DEPDC1B: variants seen among roughly 807,000 people sequenced by gnomAD.
DEPDC1B encodes DEP domain containing 1B, also known as DEP domain-containing protein 1B.
In DEPDC1B, 51 loss-of-function variants were observed where a neutral mutation model predicts 66.5. The observed-to-expected ratio is 0.77, with a 90% CI of 0.61 to 0.97. DEPDC1B has a LOEUF of 0.97. Ranked by LOEUF, DEPDC1B falls within the 50% of genes least tolerant of loss-of-function variation. DEPDC1B has a pLI of 0.00. For synonymous variants in DEPDC1B, 226 were observed against 223.6 expected (o/e 1.01, Z -0.10); for missense variants, 552 against 637.1 (o/e 0.87, Z 1.44).
intron 3 of DEPDC1B, 77 bp downstream of exon 3, chr5:60,647,321 C>A: frequency 1.3e-6 from 2 of 1,493,110 alleles, no homozygotes; most frequent in Non-Finnish European, 8.9e-7. Flanking sequence ...TAAAGGACCA[C>A]AGAAAGACCA....
chr5:60,667,657 ATG>A (rs79421889), intron 2 of DEPDC1B, among the ~76,000 whole-genome samples: 63,740 of 138,026 alleles, frequency 0.46, 16,738 homozygotes, highest in East Asian at 0.58. Flanking sequence ...GATATTTTAC[ATG>A]TATATAATGG....
At chr5:60,635,569 C>T (rs945132822) in intron 7 of DEPDC1B, among the ~76,000 whole-genome samples, 5 of 152,154 alleles carry the variant, frequency 3.3e-5, no homozygotes, top group African/African-American at 1.2e-4. Flanking sequence ...CAACTGCCTA[C>T]GGGAGCAGAC....
intron 2 of DEPDC1B, among the ~76,000 whole-genome samples, chr5:60,667,615 A>T (rs1021600191): frequency 7.1e-6 from 1 of 140,104 alleles, no homozygotes; most frequent in Admixed American, 7.1e-5. Flanking sequence ...ACATATATAT[A>T]AAAAATGGAT....
chr5:60,655,366 T>G (rs1232597505), intron 2 of DEPDC1B, among the ~76,000 whole-genome samples: 1 of 149,080 alleles, frequency 6.7e-6, no homozygotes, highest in Non-Finnish European at 1.5e-5. Context: ...GGGTTATATA[T>G]TTTCAGAAAT....
chr5:60,669,309 T>C (rs756232940), intron 2 of DEPDC1B, among the ~76,000 whole-genome samples: 17 of 152,232 alleles, frequency 1.1e-4, no homozygotes, highest in Non-Finnish European at 7.3e-5. Flanking sequence ...AGATTAACTA[T>C]ATACTGTGGA....
At chr5:60,689,239 C>A (rs1180087126) in intron 1 of DEPDC1B, among the ~76,000 whole-genome samples, 2 of 152,202 alleles carry the variant, frequency 1.3e-5, no homozygotes, top group African/African-American at 4.8e-5. Context: ...AGACAAAAAC[C>A]AGATGTCTCT....
intron 2 of DEPDC1B, among the ~76,000 whole-genome samples, chr5:60,659,843 C>T (rs1753666782): frequency 6.6e-6 from 1 of 152,176 alleles, no homozygotes; most frequent in African/African-American, 2.4e-5. Context: ...AAGCTCTATG[C>T]TGCATCATTA....
At chr5:60,647,147 C>T (rs944125100) in intron 3 of DEPDC1B, among the ~76,000 whole-genome samples, 12 of 150,996 alleles carry the variant, frequency 7.9e-5, no homozygotes, top group South Asian at 2.1e-4. Flanking sequence ...TGAAACCCAT[C>T]GCTGGTGCCA....
At chr5:60,636,197 A>G (rs1753040537) in intron 7 of DEPDC1B, among the ~76,000 whole-genome samples, 1 of 152,302 alleles carries the variant, frequency 6.6e-6, no homozygotes, top group Admixed American at 6.5e-5. Flanking sequence ...ATCAACTACA[A>G]TGGAGTCATA....
intron 2 of DEPDC1B, among the ~76,000 whole-genome samples, chr5:60,671,852 T>A (rs966279834): frequency 4.6e-5 from 7 of 152,216 alleles, no homozygotes; most frequent in Non-Finnish European, 1.0e-4. Flanking sequence ...CTGCCACATA[T>A]CAGACACCAA....
intron 9 of DEPDC1B, among the ~76,000 whole-genome samples, chr5:60,602,052 A>G (rs1292259104): frequency 6.6e-6 from 1 of 152,228 alleles, no homozygotes; most frequent in Middle Eastern, 3.4e-3. Flanking sequence ...GCCAATCAAC[A>G]ATATTTAATG....
intron 2 of DEPDC1B, among the ~76,000 whole-genome samples, chr5:60,648,613 C>T (rs573027986): frequency 6.6e-6 from 1 of 152,030 alleles, no homozygotes; most frequent in African/African-American, 2.4e-5. Context: ...AAAACAGTCG[C>T]AATAGATTTG....
chr5:60,634,484 A>G (rs1256209720), intron 7 of DEPDC1B, among the ~76,000 whole-genome samples: 2 of 151,892 alleles, frequency 1.3e-5, no homozygotes, highest in African/African-American at 4.8e-5. Context: ...CATCCTGGCT[A>G]ACACGGTGAA....
intron 2 of DEPDC1B, among the ~76,000 whole-genome samples, chr5:60,683,193 G>T (rs1328353626): frequency 6.6e-6 from 1 of 152,198 alleles, no homozygotes; most frequent in Admixed American, 6.5e-5. Flanking sequence ...ACTTTGGGAA[G>T]CTGAGGCCAG....
At position 60,625,794 on chromosome 5, in the gene DEPDC1B, G is replaced by C. The variant is rs189775376; in HGVS notation, c.898+12956C>G. Among the ~76,000 whole-genome samples the C allele has an allele frequency of 2.2e-4, 33 of 152,092 alleles. No homozygotes were observed. The East Asian group carries it at 6.2e-3, about 29-fold the overall frequency. On this transcript the variant is annotated intron_variant, in intron 7 of 10. Coordinates refer to ENST00000265036, the MANE Select transcript of DEPDC1B (RefSeq NM_018369.3). ...TGTATTTTTGGTTGGCTTTTGTTTT[G>C]TTTTGTTGTGGGAGGTTTGTTTTGT... is the stretch of plus-strand genomic sequence containing the variant.
chr5:60,638,973 G>A (rs1753125032), intron 6 of DEPDC1B, 83 bp from the exon 7 acceptor site: 1 of 1,452,770 alleles, frequency 6.9e-7, no homozygotes, highest in East Asian at 2.4e-5. Context: ...TGTGTGGCGT[G>A]TACAGATATT....
At chr5:60,637,243 G>A (rs1753064485) in intron 7 of DEPDC1B, among the ~76,000 whole-genome samples, 1 of 152,162 alleles carries the variant, frequency 6.6e-6, no homozygotes, top group African/African-American at 2.4e-5. Context: ...GGAGGTGATT[G>A]GATCATGGGG....
chr5:60,681,382 C>T (rs979992748), intron 2 of DEPDC1B, among the ~76,000 whole-genome samples: 6 of 152,200 alleles, frequency 3.9e-5, no homozygotes, highest in Admixed American at 3.9e-4. Flanking sequence ...GAGGAACTCA[C>T]AGACACCACT....
At chr5:60,615,091 C>CT (rs1321443087) in intron 7 of DEPDC1B, among the ~76,000 whole-genome samples, 1 of 152,194 alleles carries the variant, frequency 6.6e-6, no homozygotes, top group Non-Finnish European at 1.5e-5. Context: ...ACATACATGA[C>CT]TTTTTACTCA....
Sources: allele counts gnomAD v4.1 joint callset (sites outside exome capture counted in the v4.1 genomes callset), GRCh38; gene constraint gnomAD v4.1.1; transcripts MANE v1.5; gene names NCBI Gene and HGNC (gene_info 2026-07-23, HGNC 2026-07-21).